The following CNTN3 variants were observed in gnomAD, a reference collection of about 807,000 sequenced individuals.
CNTN3 encodes the protein contactin-3.
In CNTN3, 60 loss-of-function variants were observed where a neutral mutation model predicts 119.1. That is an observed-to-expected ratio of 0.50 (90% CI 0.41 to 0.62). The LOEUF (loss-of-function observed/expected upper bound fraction) is 0.62. CNTN3 is among the 20% of genes least tolerant of loss of function. The pLI is 0.00. For synonymous variants in CNTN3, 450 were observed against 438.7 expected (o/e 1.03, Z -0.32); for missense variants, 1,101 against 1,242.4 (o/e 0.89, Z 1.71).
intron 4 of CNTN3, among the ~76,000 whole-genome samples, chr3:74,481,098 C>A (rs1407817623): frequency 6.6e-6 from 1 of 151,642 alleles, no homozygotes; most frequent in African/African-American, 2.4e-5. Flanking sequence ...TACAGTCACT[C>A]TAAATTTTTA....
intron 3 of CNTN3, among the ~76,000 whole-genome samples, chr3:74,499,258 C>T (rs757897849): frequency 6.6e-6 from 1 of 151,826 alleles, no homozygotes; most frequent in Non-Finnish European, 1.5e-5. Context: ...AACCTCCAAG[C>T]ACATATCCAG....
chr3:74,318,705 G>A (rs530232926), intron 13 of CNTN3, among the ~76,000 whole-genome samples: 2 of 152,218 alleles, frequency 1.3e-5, no homozygotes, highest in African/African-American at 2.4e-5. Flanking sequence ...CTGCCTGATC[G>A]TTCCTCTGGA....
Position 74,499,681 on chromosome 3 carries a change from C to T in CNTN3, c.160G>A (p.Gly54Ser). 1 of 1,610,598 alleles carries T rather than the reference C, an allele frequency of 6.2e-7. No individual in the cohort carries two copies. Among genetic ancestry groups the T allele is most frequent in the East Asian group, 2.2e-5 (1 of 44,724 alleles). ...KKITLHCEAR[G>S]NPSPHYRWQL... ...TACCTGTAATGAGGTGATGGATTGC[C>T]TCTTGCTTCACAATGCAAAGTTATT... is the stretch of plus-strand genomic sequence containing the variant. The change falls in exon 3 of 23, where the codon GGC (glycine) becomes AGC (serine). Residue 54 changes from glycine (G) to serine (S), a missense_variant. Physicochemically the swap from Gly to Ser is moderately conservative, Grantham distance 56. Coordinates refer to ENST00000263665, the MANE Select transcript of CNTN3 (RefSeq NM_020872.3).
chr3:74,513,104 T>C (rs2107107883), intron 2 of CNTN3, among the ~76,000 whole-genome samples: 1 of 152,252 alleles, frequency 6.6e-6, no homozygotes, highest in Middle Eastern at 3.4e-3. Flanking sequence ...AATGTTGCCA[T>C]CTCCCTTTAC....
intron 5 of CNTN3, among the ~76,000 whole-genome samples, chr3:74,408,116 A>G (rs183298159): frequency 3.9e-5 from 6 of 152,318 alleles, no homozygotes; most frequent in Admixed American, 3.3e-4. Flanking sequence ...GTCATCAACA[A>G]CATTGGAATA....
intron 11 of CNTN3, among the ~76,000 whole-genome samples, chr3:74,349,448 GAGA>G (rs1293665346): frequency 1.3e-5 from 2 of 152,200 alleles, no homozygotes; most frequent in East Asian, 3.9e-4. Flanking sequence ...TTTCTAGGTT[GAGA>G]AGAAAAGACA....
At chr3:74,596,699 A>G (rs1049731423) in intron 1 of CNTN3, among the ~76,000 whole-genome samples, 9 of 152,126 alleles carry the variant, frequency 5.9e-5, no homozygotes, top group Middle Eastern at 6.8e-3. Flanking sequence ...GGAGTAAACA[A>G]TGCATACCAA....
intron 4 of CNTN3, among the ~76,000 whole-genome samples, chr3:74,439,858 G>A (rs75215986): frequency 0.023 from 3,502 of 152,212 alleles, 121 homozygotes; most frequent in African/African-American, 0.075. Context: ...CTCTAATTAA[G>A]TGCCTACAAA....
At chr3:74,272,913 C>T (rs1200342007) in intron 20 of CNTN3, among the ~76,000 whole-genome samples, 1 of 152,012 alleles carries the variant, frequency 6.6e-6, no homozygotes. Flanking sequence ...GGCAATGATG[C>T]TGGTTCTACA....
intron 1 of CNTN3, among the ~76,000 whole-genome samples, chr3:74,527,593 A>T (rs1400785541): frequency 6.6e-6 from 1 of 151,948 alleles, no homozygotes; most frequent in Non-Finnish European, 1.5e-5. Context: ...AACTAAGTGC[A>T]AGCTAAAGGG....
chr3:74,423,098 G>A (rs1701642737), intron 5 of CNTN3, among the ~76,000 whole-genome samples: 2 of 152,198 alleles, frequency 1.3e-5, no homozygotes, highest in Admixed American at 6.5e-5. Context: ...ATGGAGAGAA[G>A]TGCAGTCAAG....
intron 1 of CNTN3, among the ~76,000 whole-genome samples, chr3:74,565,579 C>A (rs1220190422): frequency 6.6e-6 from 1 of 152,116 alleles, no homozygotes; most frequent in East Asian, 1.9e-4. Context: ...ATTTCGGGGA[C>A]CATTATTCAA....
At chr3:74,517,951 A>G (rs1021180438) in intron 2 of CNTN3, among the ~76,000 whole-genome samples, 7 of 151,954 alleles carry the variant, frequency 4.6e-5, no homozygotes, top group Non-Finnish European at 8.8e-5. Flanking sequence ...CTTTTATGTG[A>G]TGAGTACTTT....
At chr3:74,610,423 A>G (rs1705062122) in intron 1 of CNTN3, among the ~76,000 whole-genome samples, 1 of 152,170 alleles carries the variant, frequency 6.6e-6, no homozygotes, top group Non-Finnish European at 1.5e-5. Flanking sequence ...GCTACTGGGC[A>G]AAAGAACAGA....
At chr3:74,334,492 A>G (rs1382655036) in intron 13 of CNTN3, among the ~76,000 whole-genome samples, 1 of 152,226 alleles carries the variant, frequency 6.6e-6, no homozygotes, top group African/African-American at 2.4e-5. Context: ...AATGAAAAGT[A>G]ACATTTACTA....
chr3:74,300,473 G>A (rs964152238), intron 16 of CNTN3, among the ~76,000 whole-genome samples: 3 of 152,172 alleles, frequency 2.0e-5, no homozygotes, highest in African/African-American at 7.2e-5. Flanking sequence ...TCCCATGAAG[G>A]TGGGTCTTTG....
intron 1 of CNTN3, among the ~76,000 whole-genome samples, chr3:74,613,955 C>A (rs1705125692): frequency 6.6e-6 from 1 of 152,222 alleles, no homozygotes; most frequent in Non-Finnish European, 1.5e-5. Flanking sequence ...GCCACCCTAG[C>A]TTTCTCAGAC....
chr3:74,556,319 C>G (rs1302859725), intron 1 of CNTN3, among the ~76,000 whole-genome samples: 1 of 152,088 alleles, frequency 6.6e-6, no homozygotes. Context: ...TCTTCTCCTC[C>G]CAGTCACCAG....
intron 4 of CNTN3, among the ~76,000 whole-genome samples, chr3:74,446,687 T>G (rs953989106): frequency 6.6e-6 from 1 of 151,450 alleles, no homozygotes; most frequent in Non-Finnish European, 1.5e-5. Flanking sequence ...TTACTTGTTT[T>G]TTTTTTTTTT....
Sources: gnomAD v4.1 joint callset for allele counts (sites outside exome capture counted in the v4.1 genomes callset) on GRCh38, gnomAD v4.1.1 for gene constraint, MANE v1.5 for transcripts, NCBI Gene and HGNC (gene_info 2026-07-23, HGNC 2026-07-21) for gene names.